Variants in GABRG1 observed in about 807,000 individuals in gnomAD.
The protein encoded by GABRG1 is gamma-aminobutyric acid type A receptor subunit gamma1, also known as gamma-aminobutyric acid receptor subunit gamma-1.
Under a neutral mutation model 49.8 loss-of-function variants are expected in GABRG1, and 49 were observed. The ratio of observed to expected loss-of-function variants is 0.98; its 90% CI spans 0.78 to 1.25. The LOEUF (loss-of-function observed/expected upper bound fraction) is 1.25, where lower values mean the gene tolerates loss of function less well. Ranked by LOEUF, GABRG1 falls within the 50% of genes most tolerant of loss-of-function variation. The pLI is 0.00. For synonymous variants in GABRG1, 232 were observed against 185.1 expected (o/e 1.25, Z -2.06); for missense variants, 552 against 552.3 (o/e 1.00, Z 0.01).
intron 2 of GABRG1, among the ~76,000 whole-genome samples, chr4:46,090,216 T>C (rs1719929012): frequency 6.6e-6 from 1 of 152,054 alleles, no homozygotes; most frequent in Admixed American, 6.6e-5. Flanking sequence ...AAAATGCTAC[T>C]ATTCATGATA....
intron 3 of GABRG1, among the ~76,000 whole-genome samples, chr4:46,076,009 A>G (rs1172458375): frequency 2.6e-5 from 4 of 151,912 alleles, no homozygotes; most frequent in Admixed American, 1.3e-4. Context: ...GTAAATGTAC[A>G]TTATTGTGAT....
intron 7 of GABRG1, among the ~76,000 whole-genome samples, chr4:46,052,070 T>C (rs1384260230): frequency 6.6e-6 from 1 of 151,824 alleles, no homozygotes; most frequent in Non-Finnish European, 1.5e-5. Context: ...AATGCCCTTC[T>C]TTCCTTCTCA....
Position 46,124,021 on chromosome 4 carries a change from G to T in GABRG1, c.-108C>A. The T allele has an allele frequency of 7.8e-6, 6 of 771,038 alleles. No individual in the cohort carries two copies. Among genetic ancestry groups the T allele is most frequent in the Non-Finnish European group, 1.3e-5 (6 of 457,806 alleles). 47.8% of individuals were successfully genotyped at this position (771,038 alleles called of 1,614,324 possible). The stretch of plus-strand genomic sequence containing the variant: ...AGTACAGAAGGGAGAGTGTGGAAAG[G>T]CAGTGCACCTCCCAAACAGGTAGGA... On this transcript the variant is annotated 5_prime_UTR_variant, in exon 1 of 9. Transcript: ENST00000295452.
intron 1 of GABRG1, among the ~76,000 whole-genome samples, chr4:46,111,850 T>TGTAAAATG: frequency 6.6e-6 from 1 of 151,226 alleles, no homozygotes; most frequent in Admixed American, 6.6e-5. Context: ...TCATGATAGA[T>TGTAAAATG]TAAAGGTTTA....
chr4:46,071,975 C>T lies in GABRG1; in HGVS notation c.322-6391G>A, dbSNP rs139948235. 9.2e-4 allele frequency among the ~76,000 whole-genome samples: 140 copies of T among 152,140 alleles called. 2 individuals carry two copies. The East Asian group carries it at 0.02, about 22-fold the overall frequency. On this transcript the variant is annotated intron_variant, in intron 3 of 8. Coordinates refer to ENST00000295452, the MANE Select transcript of GABRG1 (RefSeq NM_173536.4). ...GTGCAAAGTAATGTCCAGGCCTTCA[C>T]ATTCACTCACCACTCACTCACTGAC...
chr4:46,056,375 C>T (rs1385854261), intron 7 of GABRG1, among the ~76,000 whole-genome samples: 3 of 151,916 alleles, frequency 2.0e-5, no homozygotes, highest in Admixed American at 6.6e-5. Flanking sequence ...CCATATGGTT[C>T]CCCCTGCCTG....
intron 1 of GABRG1, among the ~76,000 whole-genome samples, chr4:46,112,090 A>C (rs1456359054): frequency 1.3e-5 from 2 of 151,448 alleles, no homozygotes; most frequent in Non-Finnish European, 3.0e-5. Flanking sequence ...CAAACTGTGC[A>C]TCTGACAAAG....
At chr4:46,111,993 G>T (rs1047107209) in intron 1 of GABRG1, among the ~76,000 whole-genome samples, 10 of 151,312 alleles carry the variant, frequency 6.6e-5, no homozygotes, top group African/African-American at 2.4e-4. Flanking sequence ...GGACATGTGA[G>T]ACCTTATTAA....
chr4:46,091,558 T>C (rs1156841288), intron 2 of GABRG1, among the ~76,000 whole-genome samples: 1 of 152,090 alleles, frequency 6.6e-6, no homozygotes, highest in African/African-American at 2.4e-5. Context: ...GCAAATATTA[T>C]AGTATACCTG....
Position 46,097,285 on chromosome 4 carries a change from G to C in GABRG1, c.169C>G (p.Pro57Ala), listed in dbSNP as rs1720196447. Residue 57 changes from proline (P) to alanine (A), a missense_variant, in exon 2 of 9, where the codon CCA becomes GCA. Pro to Ala is a conservative substitution (Grantham distance 27). Coordinates refer to ENST00000295452, the MANE Select transcript of GABRG1 (RefSeq NM_173536.4). ...GTGATATCTCCTTCATGAATTTTTG[G>C]GGCCAAGACCCAGGTTTTGTTCACC... is the stretch of plus-strand genomic sequence containing the variant. ...LTVNKTWVLA[P>A]KIHEGDITQI... 1 of 1,610,638 alleles carries C rather than the reference G, an allele frequency of 6.2e-7. No homozygotes were observed. Among genetic ancestry groups the C allele is most frequent in the Non-Finnish European group, 8.5e-7 (1 of 1,177,978 alleles).
chr4:46,119,337 G>T (rs568215019), intron 1 of GABRG1, among the ~76,000 whole-genome samples: 1 of 150,942 alleles, frequency 6.6e-6, no homozygotes, highest in Admixed American at 6.6e-5. Context: ...TCATTGTTTT[G>T]ACTTATATTG....
intron 3 of GABRG1, among the ~76,000 whole-genome samples, chr4:46,081,951 A>G (rs1719589393): frequency 1.3e-5 from 2 of 151,850 alleles, no homozygotes; most frequent in Admixed American, 6.6e-5. Context: ...TCTGGCCTCT[A>G]TAACTGCAAG....
chr4:46,098,708 A>ATT (rs201370584), intron 1 of GABRG1, among the ~76,000 whole-genome samples: 3 of 151,562 alleles, frequency 2.0e-5, no homozygotes, highest in Admixed American at 6.6e-5. Context: ...CCTCTTTGGT[A>ATT]TTTTTTTAGT....
chr4:46,058,209 T>C lies in GABRG1; in HGVS notation c.916+8A>G. On this transcript the variant is annotated splice_region_variant and intron_variant, in intron 7 of 8. Coordinates refer to ENST00000295452, the MANE Select transcript of GABRG1 (RefSeq NM_173536.4). ...TATGGCATTATAGCATAATATTACA[T>C]GTCATACCCAACGATGTTCTTGCAG... The C allele has an allele frequency of 1.9e-6, 3 of 1,608,074 alleles. No individual in the cohort carries two copies. The highest frequency in any genetic ancestry group is 2.7e-5 in the African/African-American group (2 of 74,592).
At position 46,058,229 on chromosome 4, in the gene GABRG1, T is replaced by C; in HGVS notation, c.904A>G (p.Arg302Gly). Reference sequence around the variant, plus strand: ...TTACATGTCATACCCAACGATGTTCTTGCAGGCACTGCATCTTTATTGATC... The same window carrying C: ...TTACATGTCATACCCAACGATGTTCCTGCAGGCACTGCATCTTTATTGATC... ...FWINKDAVPA[R>G]TSLGITTVLT... The change falls in exon 7 of 9, where the codon AGA becomes GGA. Residue 302 changes from arginine to glycine, a missense_variant. Physicochemically the swap from Arg to Gly is moderately radical, Grantham distance 125 (BLOSUM62 -2). Transcript: ENST00000295452. 6.2e-7 allele frequency: 1 copy of C among 1,611,442 alleles called. No homozygotes were observed. The highest frequency in any genetic ancestry group is 8.5e-7 in the Non-Finnish European group (1 of 1,179,006).
At chr4:46,074,658 C>T (rs1049287314) in intron 3 of GABRG1, among the ~76,000 whole-genome samples, 2 of 152,122 alleles carry the variant, frequency 1.3e-5, no homozygotes, top group South Asian at 2.1e-4. Flanking sequence ...TTTAATTAAA[C>T]TGAAGAGCAG....
chr4:46,113,489 A>T (rs1720785132), intron 1 of GABRG1, among the ~76,000 whole-genome samples: 1 of 150,976 alleles, frequency 6.6e-6, no homozygotes, highest in Non-Finnish European at 1.5e-5. Flanking sequence ...GGGGATTACA[A>T]TTCAAGATGA....
At chr4:46,095,090 T>C (rs1720122346) in intron 2 of GABRG1, among the ~76,000 whole-genome samples, 1 of 151,680 alleles carries the variant, frequency 6.6e-6, no homozygotes, top group East Asian at 2.0e-4. Context: ...AAGAAATAAA[T>C]AAAAAATTGG....
At chr4:46,058,833 T>C (rs953801949) in intron 5 of GABRG1, among the ~76,000 whole-genome samples, 1 of 152,080 alleles carries the variant, frequency 6.6e-6, no homozygotes, top group African/African-American at 2.4e-5. Context: ...TGTAATCTAC[T>C]TAAGAAATAG....
Sources: allele counts gnomAD v4.1 joint callset (sites outside exome capture counted in the v4.1 genomes callset), GRCh38; gene constraint gnomAD v4.1.1; transcripts MANE v1.5; gene names NCBI Gene and HGNC (gene_info 2026-07-23, HGNC 2026-07-21).